Variants in EPHA3 observed in about 807,000 individuals in gnomAD.
EPHA3 encodes ephrin type-A receptor 3.
In EPHA3, 42 loss-of-function variants were observed where a neutral mutation model predicts 107.1. That is an observed-to-expected ratio of 0.39 (90% confidence interval 0.31 to 0.51). EPHA3 has a LOEUF of 0.51. EPHA3 is among the 20% of genes least tolerant of loss of function. The pLI is 0.78. For missense variants in EPHA3, 1,183 were observed against 1,211.2 expected (o/e 0.98, Z 0.35); for synonymous variants, 461 against 424.8 (o/e 1.09, Z -1.05).
rs201110271 is a variant in EPHA3 at position 89,107,797 on chromosome 3, G to C, written c.49G>C (p.Asp17His). Residue 17 changes from aspartate (D) to histidine (H), a missense_variant, in exon 1 of 17, where the codon GAC becomes CAC. Coordinates refer to ENST00000336596, the MANE Select transcript of EPHA3 (RefSeq NM_005233.6). ...CCTCCTTCTCAGCTGCTCTGTTCTCGACAGCTTCGGGGAACTGATTCCGCA... is the reference window on the plus strand; with the variant it reads ...CCTCCTTCTCAGCTGCTCTGTTCTCCACAGCTTCGGGGAACTGATTCCGCA... Reference protein sequence around the residue: ...ILLLLSCSVLDSFGELIPQPS... With the variant: ...ILLLLSCSVLHSFGELIPQPS... 30 of 1,614,124 alleles carry C rather than the reference G, an allele frequency of 1.9e-5. No individual in the cohort carries two copies. In the Admixed American group the frequency reaches 2.5e-4, roughly 13 times the overall value.
At position 89,413,153 on chromosome 3, in the gene EPHA3, G is replaced by T; in HGVS notation, c.1775G>T (p.Gly592Val). The T allele has an allele frequency of 6.2e-7, 1 of 1,610,990 alleles. No individual in the cohort carries two copies. The highest frequency in any genetic ancestry group is 8.5e-7 in the Non-Finnish European group (1 of 1,178,042). ...HFGNGHLKLP[G>V]LRTYVDPHTY... ...TTTCCTCAAACAGTAAAACTTCCAG[G>T]TCTCAGGACTTATGTTGACCCACAT... The change falls in exon 10 of 17, where the codon GGT becomes GTT. Residue 592 changes from glycine (G) to valine (V), a missense_variant. By Grantham distance (109) the Gly-to-Val change is moderately radical. Coordinates refer to ENST00000336596, the MANE Select transcript of EPHA3 (RefSeq NM_005233.6).
intron 2 of EPHA3, among the ~76,000 whole-genome samples, chr3:89,156,207 C>T (rs1442324749): frequency 2.6e-5 from 4 of 151,970 alleles, no homozygotes; most frequent in Non-Finnish European, 5.9e-5. Flanking sequence ...GACATTGTGT[C>T]TAAAGAAACT....
At chr3:89,282,966 G>A (rs1705985221) in intron 3 of EPHA3, among the ~76,000 whole-genome samples, 1 of 151,972 alleles carries the variant, frequency 6.6e-6, no homozygotes, top group South Asian at 2.1e-4. Context: ...AATCTTTGTT[G>A]TACTAATCTT....
chr3:89,300,231 A>G (rs530787903), intron 3 of EPHA3, among the ~76,000 whole-genome samples: 34 of 152,126 alleles, frequency 2.2e-4, no homozygotes, highest in African/African-American at 7.2e-4. Context: ...AATCAGGAAG[A>G]TAGTATTACT....
At chr3:89,223,614 T>G (rs1361439751) in intron 3 of EPHA3, among the ~76,000 whole-genome samples, 1 of 152,196 alleles carries the variant, frequency 6.6e-6, no homozygotes, top group Non-Finnish European at 1.5e-5. Flanking sequence ...GGATTATGTT[T>G]GTTGTACATG....
At chr3:89,332,703 A>G (rs1343538937) in intron 3 of EPHA3, among the ~76,000 whole-genome samples, 1 of 152,162 alleles carries the variant, frequency 6.6e-6, no homozygotes, top group East Asian at 1.9e-4. Flanking sequence ...TCAGGCCTGG[A>G]ATTGCAGGGC....
chr3:89,277,743 C>T (rs539600774), intron 3 of EPHA3, among the ~76,000 whole-genome samples: 19 of 152,126 alleles, frequency 1.2e-4, no homozygotes, highest in South Asian at 6.2e-4. Context: ...CAAAAATTTC[C>T]GGAAACTTTA....
intron 3 of EPHA3, among the ~76,000 whole-genome samples, chr3:89,212,497 A>G (rs1249079445): frequency 5.3e-5 from 8 of 151,874 alleles, no homozygotes; most frequent in Non-Finnish European, 1.2e-4. Flanking sequence ...GATATTTCAT[A>G]TTTTTTAGAT....
intron 2 of EPHA3, among the ~76,000 whole-genome samples, chr3:89,131,951 C>T (rs569846856): frequency 1.2e-3 from 180 of 152,282 alleles, no homozygotes; most frequent in African/African-American, 4.0e-3. Context: ...TGGAAAATGG[C>T]CCCTCTGCGA....
At chr3:89,122,928 G>A (rs966938644) in intron 1 of EPHA3, among the ~76,000 whole-genome samples, 1 of 152,132 alleles carries the variant, frequency 6.6e-6, no homozygotes, top group Non-Finnish European at 1.5e-5. Context: ...ATTTTACTAG[G>A]AGTGGACTTT....
intron 11 of EPHA3, among the ~76,000 whole-genome samples, chr3:89,423,676 G>GA (rs1261205834): frequency 6.6e-6 from 1 of 151,190 alleles, no homozygotes; most frequent in East Asian, 1.9e-4. Flanking sequence ...CGATATATTA[G>GA]AAAAATATAA....
intron 5 of EPHA3, among the ~76,000 whole-genome samples, chr3:89,377,581 G>A (rs77270212): frequency 0.016 from 2,402 of 152,164 alleles, 61 homozygotes; most frequent in African/African-American, 0.055. Context: ...AAACCCACTC[G>A]TATTTGGAAA....
At chr3:89,302,266 A>T (rs1169294907) in intron 3 of EPHA3, among the ~76,000 whole-genome samples, 1 of 152,118 alleles carries the variant, frequency 6.6e-6, no homozygotes, top group African/African-American at 2.4e-5. Flanking sequence ...TTTAGTAGTA[A>T]CTAAGATCTA....
intron 13 of EPHA3, among the ~76,000 whole-genome samples, chr3:89,444,178 A>T (rs1709835168): frequency 6.6e-6 from 1 of 152,166 alleles, no homozygotes; most frequent in African/African-American, 2.4e-5. Context: ...TAAGCTTATG[A>T]TTTGAAATAA....
intron 5 of EPHA3, among the ~76,000 whole-genome samples, chr3:89,385,731 G>A (rs959043596): frequency 6.6e-6 from 1 of 152,152 alleles, no homozygotes; most frequent in Admixed American, 6.5e-5. Context: ...ACAGGCTAAG[G>A]TTAGAACAAT....
chr3:89,372,565 A>T (rs530025191), intron 5 of EPHA3, among the ~76,000 whole-genome samples: 1 of 151,850 alleles, frequency 6.6e-6, no homozygotes, highest in East Asian at 1.9e-4. Flanking sequence ...GTTGGTTTTG[A>T]TTGCCAACCT....
chr3:89,473,477 G>A (rs1710446390), intron 16 of EPHA3, among the ~76,000 whole-genome samples: 1 of 152,146 alleles, frequency 6.6e-6, no homozygotes, highest in African/African-American at 2.4e-5. Context: ...TTAAGAGTTG[G>A]AAGTCACATT....
At chr3:89,135,068 G>A (rs552178889) in intron 2 of EPHA3, among the ~76,000 whole-genome samples, 2 of 152,266 alleles carry the variant, frequency 1.3e-5, no homozygotes, top group South Asian at 2.1e-4. Flanking sequence ...AATTGAGGCA[G>A]TTTAAACATA....
intron 3 of EPHA3, among the ~76,000 whole-genome samples, chr3:89,229,514 T>C (rs545996408): frequency 2.0e-5 from 3 of 151,356 alleles, no homozygotes; most frequent in Admixed American, 1.3e-4. Context: ...CTAATAAAAA[T>C]TTTATTTTAA....
Sources: gnomAD v4.1 joint callset for allele counts (sites outside exome capture counted in the v4.1 genomes callset) on GRCh38, gnomAD v4.1.1 for gene constraint, MANE v1.5 for transcripts, NCBI Gene and HGNC (gene_info 2026-07-23, HGNC 2026-07-21) for gene names.